RASAL2: variants seen among roughly 807,000 people sequenced by gnomAD.
The protein encoded by RASAL2 is ras GTPase-activating protein nGAP.
In RASAL2, 58 loss-of-function variants were observed where a neutral mutation model predicts 128.9. The ratio of observed to expected loss-of-function variants is 0.45; its 90% CI spans 0.36 to 0.56. RASAL2 has a LOEUF of 0.56. Ranked by LOEUF, RASAL2 falls within the 20% of genes least tolerant of loss-of-function variation. RASAL2 has a pLI of 0.00. For missense variants in RASAL2, 1,360 were observed against 1,601.6 expected (o/e 0.85, Z 2.57); for synonymous variants, 561 against 580.8 (o/e 0.97, Z 0.49).
At chr1:178,349,400 G>T (rs1005743860) in intron 3 of RASAL2, among the ~76,000 whole-genome samples, 1 of 152,008 alleles carries the variant, frequency 6.6e-6, no homozygotes, top group Non-Finnish European at 1.5e-5. Context: ...CTCCAGCCTG[G>T]CGACAGAGTG....
At chr1:178,462,040 T>G (rs1678237543) in intron 14 of RASAL2, among the ~76,000 whole-genome samples, 1 of 152,210 alleles carries the variant, frequency 6.6e-6, no homozygotes, top group South Asian at 2.1e-4. Flanking sequence ...CCTGCTCCTT[T>G]TTCTTTTTGT....
chr1:178,135,737 A>C (rs58789015), intron 1 of RASAL2, among the ~76,000 whole-genome samples: 1 of 152,232 alleles, frequency 6.6e-6, no homozygotes, highest in African/African-American at 2.4e-5. Context: ...TTACAGTTCC[A>C]TGTGGCTGGG....
chr1:178,123,033 G>A (rs932253410), intron 1 of RASAL2: 4 of 152,130 alleles, frequency 2.6e-5, no homozygotes, highest in African/African-American at 9.7e-5. Flanking sequence ...ATTGACCAGT[G>A]TTTTACAAAA....
intron 1 of RASAL2, among the ~76,000 whole-genome samples, chr1:178,151,690 C>T (rs1223604921): frequency 6.6e-6 from 1 of 152,162 alleles, no homozygotes. Context: ...CTAGTGTAGT[C>T]CCCTTCCACA....
intron 1 of RASAL2, among the ~76,000 whole-genome samples, chr1:178,117,662 C>T (rs547422763): frequency 1.3e-5 from 2 of 152,086 alleles, no homozygotes; most frequent in Non-Finnish European, 2.9e-5. Flanking sequence ...AGGGAGCTAG[C>T]TGTATGGACT....
At position 178,341,647 on chromosome 1, in the gene RASAL2, A is replaced by C. The variant is rs112624687; in HGVS notation, c.457+41529A>C. 1,469 of 1,613,602 alleles carry C rather than the reference A, an allele frequency of 9.1e-4. 10 individuals are homozygous for C. The African/African-American group carries it at 0.015, about 16-fold the overall frequency. Reference sequence around the variant, plus strand: ...GAGTCTGAGACCGAAATGAAAAGTCACGTATTTAAGGGGAATGTGGCTTTT... The same window carrying C: ...GAGTCTGAGACCGAAATGAAAAGTCCCGTATTTAAGGGGAATGTGGCTTTT... On this transcript the variant is annotated intron_variant, in intron 3 of 17. Coordinates refer to ENST00000367649, the MANE Select transcript of RASAL2 (RefSeq NM_170692.4).
intron 1 of RASAL2, among the ~76,000 whole-genome samples, chr1:178,249,937 T>C (rs1664961066): frequency 6.6e-6 from 1 of 152,300 alleles, no homozygotes. Flanking sequence ...CTCTGGAAGC[T>C]TCGTCCCAGA....
intron 4 of RASAL2, among the ~76,000 whole-genome samples, chr1:178,403,257 GT>G (rs934251514): frequency 6.6e-6 from 1 of 152,056 alleles, no homozygotes; most frequent in African/African-American, 2.4e-5. Flanking sequence ...TTTTGAGGGG[GT>G]TTTCCCTCCT....
chr1:178,121,313 T>C (rs1036063837), intron 1 of RASAL2, among the ~76,000 whole-genome samples: 1 of 152,238 alleles, frequency 6.6e-6, no homozygotes, highest in Non-Finnish European at 1.5e-5. Context: ...GTGCATGATA[T>C]ACATTTTTCT....
chr1:178,427,547 C>A (rs1671484181), intron 5 of RASAL2, among the ~76,000 whole-genome samples: 1 of 152,038 alleles, frequency 6.6e-6, no homozygotes, highest in African/African-American at 2.4e-5. Flanking sequence ...GAACAATATT[C>A]TCAGCTTCTT....
Position 178,389,186 on chromosome 1 carries a change from A to C in RASAL2, c.458-914A>C, listed in dbSNP as rs188798617. ...TAAGATCTGGAAGATAACACAGAAT[A>C]CTTTTTTTAGGATGTGGCTTTTTTT... On this transcript the variant is annotated intron_variant, in intron 3 of 17. Coordinates refer to ENST00000367649, the MANE Select transcript of RASAL2 (RefSeq NM_170692.4). 13 of 702,120 alleles carry C rather than the reference A, an allele frequency of 1.9e-5. No homozygotes were observed. In the Admixed American group the frequency reaches 8.2e-4, roughly 44 times the overall value. 43.5% of individuals were successfully genotyped at this position (702,120 alleles called of 1,614,324 possible).
At chr1:178,318,348 T>A (rs1668586395) in intron 3 of RASAL2, among the ~76,000 whole-genome samples, 2 of 150,250 alleles carry the variant, frequency 1.3e-5, no homozygotes, top group Non-Finnish European at 3.0e-5. Context: ...TGGGTATCCT[T>A]GTTGACTTTC....
intron 3 of RASAL2, among the ~76,000 whole-genome samples, chr1:178,375,336 C>T (rs898066925): frequency 2.6e-5 from 4 of 152,014 alleles, no homozygotes; most frequent in African/African-American, 9.7e-5. Context: ...GGACTAGTGA[C>T]AATTTTATCC....
chr1:178,323,164 G>C (rs1668876099), intron 3 of RASAL2, among the ~76,000 whole-genome samples: 1 of 152,162 alleles, frequency 6.6e-6, no homozygotes, highest in South Asian at 2.1e-4. Flanking sequence ...TTGGATGTAT[G>C]TTCTTATGTT....
chr1:178,426,204 C>T (rs1378703015), intron 5 of RASAL2, among the ~76,000 whole-genome samples: 1 of 152,044 alleles, frequency 6.6e-6, no homozygotes, highest in African/African-American at 2.4e-5. Context: ...TGTGAATGTT[C>T]ATAACAACAT....
chr1:178,345,577 G>A (rs996497247), intron 3 of RASAL2, among the ~76,000 whole-genome samples: 12 of 152,206 alleles, frequency 7.9e-5, no homozygotes, highest in African/African-American at 2.9e-4. Context: ...TTAAGATTCT[G>A]GTTTGTAACT....
At chr1:178,371,349 CACAAAT>C (rs1183544724) in intron 3 of RASAL2, among the ~76,000 whole-genome samples, 1 of 142,044 alleles carries the variant, frequency 7.0e-6, no homozygotes, top group African/African-American at 3.0e-5. Flanking sequence ...CACACACACA[CACAAAT>C]ACACACACAC....
At chr1:178,170,259 T>A (rs1661662298) in intron 1 of RASAL2, among the ~76,000 whole-genome samples, 1 of 151,908 alleles carries the variant, frequency 6.6e-6, no homozygotes, top group South Asian at 2.1e-4. Context: ...CCTATTTTAA[T>A]ATTTATAAAG....
rs1479740549 is a variant in RASAL2, at chr1:178,442,708, T to G, written c.961T>G (p.Leu321Val). ...NCRRAENVLR[L>V]WIIEAKDLAP... ...CAGGCGAGCTGAAAATGTTCTTCGTTTATGGATCATTGAAGCCAAGGACCT... is the reference window on the plus strand; with the variant it reads ...CAGGCGAGCTGAAAATGTTCTTCGTGTATGGATCATTGAAGCCAAGGACCT... The change falls in exon 8 of 18, where the codon TTA (leucine) becomes GTA (valine). Residue 321 changes from leucine to valine, a missense_variant. By Grantham distance (32) the Leu-to-Val change is conservative. This residue lies in a region of RASAL2 where 617 missense variants were observed against 714.2 expected (regional missense o/e 0.86). Transcript: ENST00000367649. 1 of 1,612,612 alleles carries G rather than the reference T, an allele frequency of 6.2e-7. No individual in the cohort carries two copies.
Sources: gnomAD v4.1 joint callset for allele counts (sites outside exome capture counted in the v4.1 genomes callset) on GRCh38, gnomAD v4.1.1 for gene constraint, gnomAD v4.1.1 regional missense constraint, MANE v1.5 for transcripts, NCBI Gene and HGNC (gene_info 2026-07-23, HGNC 2026-07-21) for gene names.